Variants in PRKD1 observed in about 807,000 individuals in gnomAD.
The protein encoded by PRKD1 is protein kinase D1.
Under a neutral mutation model 95.9 loss-of-function variants are expected in PRKD1, and 63 were observed. The ratio of observed to expected loss-of-function variants is 0.66; its 90% CI spans 0.54 to 0.81. The LOEUF (loss-of-function observed/expected upper bound fraction) is 0.81, where lower values mean the gene tolerates loss of function less well. PRKD1 is among the 30% of genes least tolerant of loss of function. PRKD1 has a pLI of 0.00. For missense variants in PRKD1, 1,048 were observed against 1,165.3 expected (o/e 0.90, Z 1.47); for synonymous variants, 425 against 423.1 (o/e 1.00, Z -0.05).
chr14:29,867,219 G>A (rs141910673), intron 1 of PRKD1, among the ~76,000 whole-genome samples: 14 of 152,206 alleles, frequency 9.2e-5, no homozygotes, highest in Admixed American at 8.5e-4. Flanking sequence ...GCAAATAAAT[G>A]TATGTTTAGA....
intron 1 of PRKD1, among the ~76,000 whole-genome samples, chr14:29,874,687 C>A (rs895978023): frequency 3.3e-5 from 5 of 152,120 alleles, no homozygotes; most frequent in African/African-American, 1.2e-4. Context: ...TCATTTGCAA[C>A]AACATGGACA....
chr14:29,660,683 G>A (rs1211777129), intron 4 of PRKD1, among the ~76,000 whole-genome samples: 1 of 151,888 alleles, frequency 6.6e-6, no homozygotes, highest in African/African-American at 2.4e-5. Context: ...GGTTCAATTG[G>A]CTTTGACTTT....
At chr14:29,642,622 T>C (rs1021516212) in intron 4 of PRKD1, among the ~76,000 whole-genome samples, 1 of 152,192 alleles carries the variant, frequency 6.6e-6, no homozygotes, top group Non-Finnish European at 1.5e-5. Flanking sequence ...TATAACAACT[T>C]TGTATGTTTA....
intron 1 of PRKD1, among the ~76,000 whole-genome samples, chr14:29,880,868 T>C (rs1893486130): frequency 6.6e-6 from 1 of 152,124 alleles, no homozygotes; most frequent in Admixed American, 6.6e-5. Context: ...CATGGGCCCT[T>C]GCATGGCCAA....
chr14:29,700,982 G>GCGCGCGCGCA (rs1566547926), intron 2 of PRKD1, among the ~76,000 whole-genome samples: 1 of 34,644 alleles, frequency 2.9e-5, no homozygotes, highest in African/African-American at 4.7e-4. Flanking sequence ...GCATGCGCGC[G>GCGCGCGCGCA]CGCGCGCACA....
intron 1 of PRKD1, among the ~76,000 whole-genome samples, chr14:29,858,996 T>G (rs1157677802): frequency 6.6e-6 from 1 of 152,198 alleles, no homozygotes; most frequent in Non-Finnish European, 1.5e-5. Context: ...GATTACTATC[T>G]TTTTAATTAC....
intron 1 of PRKD1, among the ~76,000 whole-genome samples, chr14:29,789,476 ATAGTG>A (rs1437390502): frequency 1.3e-5 from 2 of 152,008 alleles, no homozygotes; most frequent in African/African-American, 4.8e-5. Flanking sequence ...CTGTGTTGGT[ATAGTG>A]TGTTTATAAT....
At chr14:29,849,010 C>T (rs1044502659) in intron 1 of PRKD1, among the ~76,000 whole-genome samples, 2 of 152,154 alleles carry the variant, frequency 1.3e-5, no homozygotes, top group African/African-American at 4.8e-5. Flanking sequence ...CAGAGAAATA[C>T]AAAAGATCCT....
In PRKD1 at chr14:29,744,699, A is replaced by C. The variant is rs538641784; in HGVS notation, c.265-19025T>G. On this transcript the variant is annotated intron_variant, in intron 1 of 17. Coordinates refer to ENST00000331968, the MANE Select transcript of PRKD1 (RefSeq NM_002742.3). ...GTAGTTGGGATTACAGGTGCCCGCC[A>C]CCATGCCCAGCTAATTTTTTGTATT... Among the ~76,000 whole-genome samples the C allele has an allele frequency of 8.0e-4, 122 of 152,222 alleles. 2 individuals are homozygous for C. The highest frequency in any genetic ancestry group is 2.8e-3 in the African/African-American group (117 of 41,532).
intron 1 of PRKD1, among the ~76,000 whole-genome samples, chr14:29,879,332 G>A (rs1470240239): frequency 6.6e-6 from 1 of 152,178 alleles, no homozygotes; most frequent in Non-Finnish European, 1.5e-5. Context: ...TCTCTCCCGT[G>A]CTATTCTTGT....
chr14:29,845,049 G>C (rs887556508), intron 1 of PRKD1, among the ~76,000 whole-genome samples: 45 of 152,110 alleles, frequency 3.0e-4, no homozygotes, highest in Non-Finnish European at 1.0e-4. Context: ...TATTATTGCT[G>C]TCTTTTTTTC....
chr14:29,672,937 C>G (rs1050365840), intron 2 of PRKD1, among the ~76,000 whole-genome samples: 1 of 151,724 alleles, frequency 6.6e-6, no homozygotes, highest in African/African-American at 2.4e-5. Flanking sequence ...GAAGGATGCA[C>G]CGGGACAGTA....
intron 13 of PRKD1, among the ~76,000 whole-genome samples, chr14:29,616,134 G>C (rs1414043945): frequency 6.8e-6 from 1 of 146,806 alleles, no homozygotes; most frequent in Non-Finnish European, 1.5e-5. Flanking sequence ...CGTTTAGGAA[G>C]ATAGAGGAGC....
intron 1 of PRKD1, among the ~76,000 whole-genome samples, chr14:29,743,793 T>G (rs1434560875): frequency 6.6e-6 from 1 of 152,174 alleles, no homozygotes. Context: ...CCAGCTTCTA[T>G]GGGTAATTCT....
At chr14:29,814,927 AT>A (rs1890633047) in intron 1 of PRKD1, among the ~76,000 whole-genome samples, 2 of 152,224 alleles carry the variant, frequency 1.3e-5, no homozygotes, top group Non-Finnish European at 2.9e-5. Context: ...GGATGGTTTA[AT>A]ATTTAAATAA....
chr14:29,854,024 G>A (rs769221337), intron 1 of PRKD1, among the ~76,000 whole-genome samples: 15 of 152,034 alleles, frequency 9.9e-5, no homozygotes, highest in Non-Finnish European at 1.2e-4. Context: ...GCCCAGTCTC[G>A]GATATGTTTT....
At chr14:29,901,448 C>T (rs1034688114) in intron 1 of PRKD1, among the ~76,000 whole-genome samples, 3 of 152,144 alleles carry the variant, frequency 2.0e-5, no homozygotes, top group Admixed American at 6.6e-5. Context: ...ATGCAATATA[C>T]GCATTTAACG....
intron 1 of PRKD1, among the ~76,000 whole-genome samples, chr14:29,780,064 T>C (rs79822628): frequency 0.17 from 26,560 of 152,024 alleles, 2,488 homozygotes; most frequent in South Asian, 0.23. Context: ...ATAAATGGTG[T>C]TGAGAAAACT....
intron 1 of PRKD1, among the ~76,000 whole-genome samples, chr14:29,921,362 T>G (rs1171900618): frequency 6.6e-6 from 1 of 151,422 alleles, no homozygotes; most frequent in African/African-American, 2.4e-5. Context: ...TTTTTTAATA[T>G]TATAATTTTA....
Sources: gnomAD v4.1 joint callset for allele counts (sites outside exome capture counted in the v4.1 genomes callset) on GRCh38, gnomAD v4.1.1 for gene constraint, MANE v1.5 for transcripts, NCBI Gene and HGNC (gene_info 2026-07-23, HGNC 2026-07-21) for gene names.